The following ST18 variants were observed in gnomAD, a reference collection of about 807,000 sequenced individuals.
The protein encoded by ST18 is suppression of tumorigenicity 18 protein.
A neutral mutation model predicts 110.0 loss-of-function variants in ST18; 50 were observed. The observed-to-expected ratio is 0.45, with a 90% CI of 0.36 to 0.58. The LOEUF (loss-of-function observed/expected upper bound fraction) is 0.58. ST18 is among the 20% of genes least tolerant of loss of function. The pLI is 0.00. For synonymous variants in ST18, 461 were observed against 452.4 expected (o/e 1.02, Z -0.24); for missense variants, 1,306 against 1,280.1 (o/e 1.02, Z -0.31).
chr8:52,283,260 C>T (rs186212315), intron 2 of ST18, among the ~76,000 whole-genome samples: 6 of 152,190 alleles, frequency 3.9e-5, no homozygotes, highest in East Asian at 1.9e-4. Context: ...GTGCCTAACC[C>T]GCCATGATGG....
At chr8:52,133,774 A>T (rs1352640612) in intron 19 of ST18, among the ~76,000 whole-genome samples, 1 of 151,770 alleles carries the variant, frequency 6.6e-6, no homozygotes, top group Non-Finnish European at 1.5e-5. Context: ...CTCTGTGGCC[A>T]GGCTGGAGTG....
intron 25 of ST18, among the ~76,000 whole-genome samples, chr8:52,114,812 C>G (rs537733551): frequency 6.6e-6 from 1 of 152,318 alleles, no homozygotes; most frequent in East Asian, 1.9e-4. Flanking sequence ...AATGGGAATA[C>G]TAATGCTCGC....
intron 2 of ST18, among the ~76,000 whole-genome samples, chr8:52,314,673 C>A (rs1441416497): frequency 6.6e-6 from 1 of 152,186 alleles, no homozygotes; most frequent in African/African-American, 2.4e-5. Context: ...AACAACCCAA[C>A]CAACCATGGC....
chr8:52,274,536 G>T (rs935691881), intron 2 of ST18, among the ~76,000 whole-genome samples: 2 of 140,918 alleles, frequency 1.4e-5, no homozygotes, highest in Non-Finnish European at 2.9e-5. Context: ...TCTTTTTTTC[G>T]TTCTGTCAAA....
At chr8:52,168,187 G>A (rs1354575350) in intron 10 of ST18, among the ~76,000 whole-genome samples, 1 of 150,042 alleles carries the variant, frequency 6.7e-6, no homozygotes, top group Non-Finnish European at 1.5e-5. Context: ...CCTCAGAGAG[G>A]GGCAATGCAG....
intron 14 of ST18, among the ~76,000 whole-genome samples, 180 bp downstream of exon 14, chr8:52,161,195 A>T (rs920788766): frequency 2.0e-5 from 3 of 152,216 alleles, no homozygotes; most frequent in Non-Finnish European, 4.4e-5. Context: ...GCATAAAATC[A>T]ATAACATTGA....
Position 52,158,748 on chromosome 8 carries a change from C to T in ST18, c.1806+150G>A, listed in dbSNP as rs2060634913. 59 of 832,664 alleles carry T rather than the reference C, an allele frequency of 7.1e-5. No individual in the cohort carries two copies. The South Asian group carries it at 8.1e-4, about 11-fold the overall frequency. 51.6% of individuals were successfully genotyped at this position (832,664 alleles called of 1,614,324 possible). A position where few individuals can be genotyped will look rare whatever the true frequency, so the allele number is the denominator to read the frequency against. The stretch of plus-strand genomic sequence containing the variant: ...ACCCCACCAAGCTCATCCCTGCCTG[C>T]GTTCCTCTGAGCCTCTTCCTGAGAC... On this transcript the variant is annotated intron_variant, in intron 15 of 25. Coordinates refer to ENST00000689386, the MANE Select transcript of ST18 (RefSeq NM_001352837.2).
chr8:52,388,915 T>C (rs1248177469), intron 2 of ST18, among the ~76,000 whole-genome samples: 2 of 148,146 alleles, frequency 1.4e-5, no homozygotes, highest in African/African-American at 5.0e-5. Context: ...TGTATACATA[T>C]GTAACTAACC....
At chr8:52,349,199 C>G (rs1402231010) in intron 2 of ST18, among the ~76,000 whole-genome samples, 2 of 152,134 alleles carry the variant, frequency 1.3e-5, no homozygotes, top group Non-Finnish European at 2.9e-5. Context: ...TCTCCCTTCC[C>G]TTCTTCTTTG....
At chr8:52,371,996 G>A (rs146957988) in intron 2 of ST18, among the ~76,000 whole-genome samples, 10 of 152,230 alleles carry the variant, frequency 6.6e-5, no homozygotes, top group Admixed American at 2.0e-4. Context: ...TTAAAAAAAA[G>A]TTAACTACAT....
At chr8:52,337,994 C>T (rs1367981972) in intron 2 of ST18, among the ~76,000 whole-genome samples, 1 of 152,198 alleles carries the variant, frequency 6.6e-6, no homozygotes, top group East Asian at 1.9e-4. Flanking sequence ...AATTAGATGG[C>T]ATCTTTATGT....
chr8:52,310,613 C>A (rs946035669), intron 2 of ST18, among the ~76,000 whole-genome samples: 1 of 144,902 alleles, frequency 6.9e-6, no homozygotes, highest in Non-Finnish European at 1.5e-5. Context: ...TAAAAGTCTA[C>A]TCATTTTTTT....
intron 16 of ST18, among the ~76,000 whole-genome samples, chr8:52,145,891 T>C (rs1348501321): frequency 2.0e-5 from 3 of 152,332 alleles, no homozygotes; most frequent in South Asian, 2.1e-4. Flanking sequence ...CTCAACACTT[T>C]CCTTTCGAGA....
At chr8:52,149,276 A>T (rs1474578722) in intron 16 of ST18, among the ~76,000 whole-genome samples, 1 of 152,378 alleles carries the variant, frequency 6.6e-6, no homozygotes, top group Non-Finnish European at 1.5e-5. Flanking sequence ...GAGTCTATAC[A>T]TAGGTATGCT....
intron 2 of ST18, among the ~76,000 whole-genome samples, chr8:52,279,365 T>A (rs541521850): frequency 1.3e-5 from 2 of 152,232 alleles, no homozygotes; most frequent in South Asian, 4.1e-4. Context: ...ACTCAGACTA[T>A]AGCACAAACA....
At chr8:52,150,755 C>T (rs1278951436) in intron 15 of ST18, 4 of 152,204 alleles carry the variant, frequency 2.6e-5, no homozygotes, top group African/African-American at 9.7e-5. Context: ...AAATCCACCG[C>T]ACAATATTTC....
intron 23 of ST18, among the ~76,000 whole-genome samples, chr8:52,119,890 G>T (rs568303559): frequency 3.9e-5 from 6 of 152,310 alleles, no homozygotes; most frequent in African/African-American, 1.2e-4. Flanking sequence ...TCATAAGATT[G>T]ATATAACTCT....
At chr8:52,404,553 A>C (rs1442454151) in intron 2 of ST18, 2 of 152,192 alleles carry the variant, frequency 1.3e-5, no homozygotes, top group Non-Finnish European at 2.9e-5. Context: ...TAACCCAAAC[A>C]CCCAGCACTG....
chr8:52,130,119 A>AAAAGAAAGAAAGAAAGAAAG (rs1207799704), intron 22 of ST18, among the ~76,000 whole-genome samples: 3,096 of 105,060 alleles, frequency 0.029, 70 homozygotes, highest in Middle Eastern at 0.043. Flanking sequence ...AGAAAGAAAG[A>AAAAGAAAGAAAGAAAGAAAG]AAAGAAAGAA....
Sources: allele counts gnomAD v4.1 joint callset (sites outside exome capture counted in the v4.1 genomes callset), GRCh38; gene constraint gnomAD v4.1.1; transcripts MANE v1.5; gene names NCBI Gene and HGNC (gene_info 2026-07-23, HGNC 2026-07-21).